The following PTN variants were observed in gnomAD, a reference collection of about 807,000 sequenced individuals.
PTN encodes the protein pleiotrophin.
PTN carries 18 observed loss-of-function variants against 24.1 expected under a neutral mutation model. That is an observed-to-expected ratio of 0.75 (90% CI 0.52 to 1.11). The LOEUF (loss-of-function observed/expected upper bound fraction) is 1.11. PTN is among the 50% of genes least tolerant of loss of function. The probability of loss-of-function intolerance (pLI) is 0.00; values close to 1 mark genes in which losing one functional copy is unlikely to be tolerated. For missense variants in PTN, 163 were observed against 198.8 expected, an observed-to-expected ratio of 0.82 and a Z score of 1.08; for synonymous variants, 78 against 68.6, an observed-to-expected ratio of 1.14 and a Z score of -0.67.
In PTN at chr7:137,324,433, A is replaced by AAAAAAAAAAAAAAAAATATAT; in HGVS notation, c.-2+19005_-2+19006insATATATTTTTTTTTTTTTTTT. ...CCCTGTCTCTAAAAAAAAAAAAAAA[A>AAAAAAAAAAAAAAAAATATAT]ATATATATATATATATATAAATTAA... is the stretch of plus-strand genomic sequence containing the variant. On this transcript the variant is annotated intron_variant, in intron 1 of 4. Coordinates refer to ENST00000348225, the MANE Select transcript of PTN (RefSeq NM_002825.7). 7.9e-5 allele frequency among the ~76,000 whole-genome samples: 7 copies of AAAAAAAAAAAAAAAAATATAT among 88,758 alleles called. 1 individual carries two copies. The highest frequency in any genetic ancestry group is 4.8e-4 in the African/African-American group (7 of 14,478). 58.2% of individuals were successfully genotyped at this position (88,758 alleles called of 152,430 possible).
chr7:137,297,463 G>T (rs1368625641), intron 1 of PTN, among the ~76,000 whole-genome samples: 1 of 152,056 alleles, frequency 6.6e-6, no homozygotes, highest in African/African-American at 2.4e-5. Context: ...AAAATTGCAT[G>T]AGCTGAGTTA....
chr7:137,236,032 A>C, intron 4 of PTN: 1 of 610,758 alleles, frequency 1.6e-6, no homozygotes. Flanking sequence ...AGCACTAGTG[A>C]ATAAAGTAGA....
chr7:137,332,455 C>A (rs529853087), intron 1 of PTN, among the ~76,000 whole-genome samples: 3 of 151,972 alleles, frequency 2.0e-5, no homozygotes, highest in African/African-American at 7.3e-5. Context: ...ATTTGACCTG[C>A]GTTGAGCTAT....
intron 1 of PTN, among the ~76,000 whole-genome samples, chr7:137,285,824 G>A (rs112281377): frequency 4.0e-4 from 61 of 152,306 alleles, no homozygotes; most frequent in Non-Finnish European, 7.6e-4. Context: ...CTCCAGTAAA[G>A]TGCCTAGGCA....
chr7:137,309,161 A>C (rs1327374408), intron 1 of PTN, among the ~76,000 whole-genome samples: 1 of 152,232 alleles, frequency 6.6e-6, no homozygotes, highest in African/African-American at 2.4e-5. Flanking sequence ...TGAACACCAC[A>C]ATAAAGCAAG....
At chr7:137,285,393 C>T (rs924870094) in intron 1 of PTN, among the ~76,000 whole-genome samples, 3 of 152,084 alleles carry the variant, frequency 2.0e-5, no homozygotes, top group African/African-American at 4.8e-5. Flanking sequence ...AGGCCAGGGG[C>T]GGTAGACCAC....
chr7:137,250,835 A>G (rs1808811441), intron 4 of PTN, among the ~76,000 whole-genome samples: 4 of 152,232 alleles, frequency 2.6e-5, no homozygotes, highest in African/African-American at 4.8e-5. Flanking sequence ...TGTGAAAACT[A>G]TATTTCAGAT....
At chr7:137,302,073 G>A (rs1216202485) in intron 1 of PTN, among the ~76,000 whole-genome samples, 1 of 151,914 alleles carries the variant, frequency 6.6e-6, no homozygotes, top group Non-Finnish European at 1.5e-5. Flanking sequence ...AAATTTAAAA[G>A]AAATCAGTTA....
intron 1 of PTN, among the ~76,000 whole-genome samples, chr7:137,313,715 T>C (rs961709110): frequency 6.6e-6 from 1 of 152,208 alleles, no homozygotes; most frequent in Admixed American, 6.5e-5. Flanking sequence ...TCAACTCACA[T>C]GAGTAACTAA....
rs149379807 is a variant in PTN, at chr7:137,293,334, C to T, written c.-1-38360G>A. Among the ~76,000 whole-genome samples the T allele has an allele frequency of 2.1e-3, 318 of 152,150 alleles. 2 individuals carry two copies. Among genetic ancestry groups the T allele is most frequent in the African/African-American group, 7.0e-3 (292 of 41,516 alleles). On this transcript the variant is annotated intron_variant, in intron 1 of 4. Transcript: ENST00000348225. ...CACAGGTGATTGAAGCTAGTGTGCG[C>T]GCATAAGGGGTAGCCATCCTTCCAC... is the stretch of plus-strand genomic sequence containing the variant.
At chr7:137,252,036 C>G (rs1808836347) in intron 3 of PTN, among the ~76,000 whole-genome samples, 1 of 151,882 alleles carries the variant, frequency 6.6e-6, no homozygotes, top group South Asian at 2.1e-4. Flanking sequence ...TTTCATTTCT[C>G]TGAGATAAAT....
intron 1 of PTN, among the ~76,000 whole-genome samples, chr7:137,329,256 A>T (rs919729873): frequency 2.0e-5 from 3 of 152,218 alleles, no homozygotes; most frequent in Non-Finnish European, 4.4e-5. Flanking sequence ...ATGCTGGTGA[A>T]TTGTGCTCAG....
At chr7:137,338,484 C>T (rs767309089) in intron 1 of PTN, among the ~76,000 whole-genome samples, 70 of 152,280 alleles carry the variant, frequency 4.6e-4, no homozygotes, top group Non-Finnish European at 6.8e-4. Context: ...TTGAAATAGA[C>T]GTTGCGTACC....
chr7:137,249,970 C>T (rs1353429966), intron 4 of PTN, among the ~76,000 whole-genome samples: 4 of 152,170 alleles, frequency 2.6e-5, no homozygotes, highest in African/African-American at 9.7e-5. Context: ...TGGCCACCAG[C>T]AGGAAACCAG....
At chr7:137,266,252 A>G (rs1195991282) in intron 1 of PTN, among the ~76,000 whole-genome samples, 2 of 152,190 alleles carry the variant, frequency 1.3e-5, no homozygotes, top group African/African-American at 4.8e-5. Flanking sequence ...TTTCTTTACA[A>G]TTAACGTTTT....
intron 1 of PTN, among the ~76,000 whole-genome samples, chr7:137,315,803 C>T (rs535352642): frequency 2.0e-5 from 3 of 152,168 alleles, no homozygotes; most frequent in Admixed American, 2.0e-4. Flanking sequence ...AAAAGTATCC[C>T]ATGGTATAGC....
intron 1 of PTN, among the ~76,000 whole-genome samples, chr7:137,262,596 C>T (rs886131485): frequency 6.6e-6 from 1 of 151,702 alleles, no homozygotes; most frequent in Non-Finnish European, 1.5e-5. Flanking sequence ...GCATCAGCAG[C>T]CTAGCGTCTT....
At chr7:137,335,759 T>C (rs986556046) in intron 1 of PTN, among the ~76,000 whole-genome samples, 37 of 152,290 alleles carry the variant, frequency 2.4e-4, no homozygotes, top group African/African-American at 8.9e-4. Context: ...CCAGCTATCA[T>C]GTAAATGAAC....
intron 1 of PTN, among the ~76,000 whole-genome samples, chr7:137,333,135 C>T (rs895678358): frequency 2.0e-5 from 3 of 152,042 alleles, no homozygotes; most frequent in African/African-American, 7.2e-5. Context: ...CTTAGTTCCC[C>T]CAGGAGCTGA....
Sources: gnomAD v4.1 joint callset for allele counts (sites outside exome capture counted in the v4.1 genomes callset) on GRCh38, gnomAD v4.1.1 for gene constraint, MANE v1.5 for transcripts, NCBI Gene and HGNC (gene_info 2026-07-23, HGNC 2026-07-21) for gene names.